Variants in MS4A13 observed in about 807,000 individuals in gnomAD.
The protein encoded by MS4A13 is membrane spanning 4-domains A13.
A neutral mutation model predicts 18.4 loss-of-function variants in MS4A13; 21 were observed. The observed-to-expected ratio is 1.14, with a 90% CI of 0.81 to 1.64. MS4A13 has a LOEUF of 1.64. Ranked by LOEUF, MS4A13 falls within the 40% of genes most tolerant of loss-of-function variation. The pLI is 0.00. For missense variants in MS4A13, 173 were observed against 176.8 expected (o/e 0.98, Z 0.12); for synonymous variants, 62 against 57.2 (o/e 1.08, Z -0.38).
chr11:60,541,194 T>C (rs2086855263), intron 6 of MS4A13, among the ~76,000 whole-genome samples: 1 of 152,206 alleles, frequency 6.6e-6, no homozygotes, highest in Admixed American at 6.5e-5. Flanking sequence ...ATTGCAACAA[T>C]TTTTAAAACC....
chr11:60,529,301 A>G (rs112497419), intron 5 of MS4A13, 64 bp from the exon 6 acceptor site: 6,414 of 484,784 alleles, frequency 0.013, 67 homozygotes, highest in Middle Eastern at 0.049. Flanking sequence ...AGCTCCTTCC[A>G]TGATCATGTT....
intron 5 of MS4A13, among the ~76,000 whole-genome samples, chr11:60,527,057 A>G (rs1162241659): frequency 6.6e-6 from 1 of 152,170 alleles, no homozygotes; most frequent in Non-Finnish European, 1.5e-5. Flanking sequence ...TCACTATTAT[A>G]TCAAACTCAA....
At chr11:60,525,978 A>G (rs2086710775) in intron 5 of MS4A13, among the ~76,000 whole-genome samples, 1 of 147,142 alleles carries the variant, frequency 6.8e-6, no homozygotes, top group Non-Finnish European at 1.5e-5. Context: ...GTGAGGACAA[A>G]TTGGAGTGAA....
intron 5 of MS4A13, among the ~76,000 whole-genome samples, chr11:60,527,354 T>C (rs2086720299): frequency 1.4e-5 from 1 of 71,086 alleles, no homozygotes; most frequent in African/African-American, 4.6e-5. Context: ...CAGGAACTCA[T>C]TCATTCCGTC....
chr11:60,520,167 TG>T (rs997141310), intron 3 of MS4A13, among the ~76,000 whole-genome samples: 10 of 152,032 alleles, frequency 6.6e-5, no homozygotes, highest in African/African-American at 9.7e-5. Context: ...ATCATGAGGC[TG>T]GGGGGGTGGC....
intron 6 of MS4A13, among the ~76,000 whole-genome samples, chr11:60,531,449 G>A (rs746634838): frequency 2.0e-5 from 3 of 152,210 alleles, no homozygotes; most frequent in Non-Finnish European, 2.9e-5. Flanking sequence ...GAAGGTCCTA[G>A]TGAGCCCTTG....
Position 60,525,311 on chromosome 11 carries a change from G to C in MS4A13, c.291G>C (p.Arg97Ser). Residue 97 changes from arginine to serine, a missense_variant, in exon 5 of 7, where the codon AGG (arginine) becomes AGC (serine). Coordinates refer to ENST00000378186, the MANE Select transcript of MS4A13 (RefSeq NM_001012417.3). ...CTCATTTTAATTCTGTGTCATACAGGAATTATGGACAAGCAGTAAGTGACC... is the reference window on the plus strand; with the variant it reads ...CTCATTTTAATTCTGTGTCATACAGCAATTATGGACAAGCAGTAAGTGACC... ...ELSHFNSVSY[R>S]NYGQAKLGRE... 6.3e-7 allele frequency: 1 copy of C among 1,586,608 alleles called. No individual in the cohort carries two copies. Among genetic ancestry groups the C allele is most frequent in the Non-Finnish European group, 8.6e-7 (1 of 1,161,536 alleles).
intron 3 of MS4A13, among the ~76,000 whole-genome samples, chr11:60,518,541 A>G (rs1333012686): frequency 6.6e-6 from 1 of 152,198 alleles, no homozygotes; most frequent in Non-Finnish European, 1.5e-5. Context: ...TCTTCACTTC[A>G]GTCTCCTCAC....
chr11:60,519,816 G>T (rs999188088), intron 3 of MS4A13, among the ~76,000 whole-genome samples: 1 of 152,234 alleles, frequency 6.6e-6, no homozygotes, highest in African/African-American at 2.4e-5. Flanking sequence ...ATGGAAAGAA[G>T]AATTTAACAG....
At chr11:60,529,828 T>C (rs1378748062) in intron 6 of MS4A13, among the ~76,000 whole-genome samples, 3 of 152,248 alleles carry the variant, frequency 2.0e-5, no homozygotes, top group African/African-American at 7.2e-5. Flanking sequence ...TGATTAGAAA[T>C]ATCTTTCCAT....
At chr11:60,523,829 T>C in intron 3 of MS4A13, 68 bp from the exon 4 acceptor site, 6 of 904,458 alleles carry the variant, frequency 6.6e-6, no homozygotes, top group South Asian at 1.4e-5. Context: ...ACAAGAGAGT[T>C]ATTAAAAGTA....
At chr11:60,531,379 C>G (rs902617593) in intron 6 of MS4A13, among the ~76,000 whole-genome samples, 1 of 152,106 alleles carries the variant, frequency 6.6e-6, no homozygotes, top group African/African-American at 2.4e-5. Context: ...CCTACTTTTC[C>G]CCTGTAGTCT....
chr11:60,522,235 G>GATGTATATATATATATATCT lies in MS4A13; in HGVS notation c.130-1660_130-1659insGTATATATATATATATCTAT, dbSNP rs1231071278. ...AGATAGATAGATAGATAGATAGATAGATAGATGTATATATATAGATATATA... is the reference window on the plus strand; with the variant it reads ...AGATAGATAGATAGATAGATAGATAGATGTATATATATATATATCTATAGATGTATATATATAGATATATA... On this transcript the variant is annotated intron_variant, in intron 3 of 6. Coordinates refer to ENST00000378186, the MANE Select transcript of MS4A13 (RefSeq NM_001012417.3). Among the ~76,000 whole-genome samples the GATGTATATATATATATATCT allele has an allele frequency of 1.2e-3, 136 of 112,174 alleles. 1 individual carries two copies. Among genetic ancestry groups the GATGTATATATATATATATCT allele is most frequent in the African/African-American group, 3.3e-3 (86 of 25,796 alleles). The allele number at this position is 112,174 out of a possible 152,430, so 73.6% of individuals were successfully genotyped here.
intron 5 of MS4A13, among the ~76,000 whole-genome samples, chr11:60,527,406 C>CTGTGTGTGTG (rs1408422219): frequency 6.6e-3 from 302 of 45,998 alleles, no homozygotes; most frequent in Admixed American, 0.017. Flanking sequence ...CTCTCTCTCT[C>CTGTGTGTGTG]TCTCTGTGTG....
chr11:60,519,408 T>G (rs544285256), intron 3 of MS4A13, among the ~76,000 whole-genome samples: 94 of 151,988 alleles, frequency 6.2e-4, no homozygotes, highest in Non-Finnish European at 1.2e-3. Context: ...TGTGGAAGTT[T>G]TTTTTTTTTT....
At chr11:60,528,786 A>G (rs960194968) in intron 5 of MS4A13, among the ~76,000 whole-genome samples, 2 of 152,208 alleles carry the variant, frequency 1.3e-5, no homozygotes, top group African/African-American at 4.8e-5. Flanking sequence ...TCTGATAGCA[A>G]CAGAAGGGAA....
At chr11:60,528,315 C>G (rs1363651466) in intron 5 of MS4A13, among the ~76,000 whole-genome samples, 1 of 152,198 alleles carries the variant, frequency 6.6e-6, no homozygotes, top group Non-Finnish European at 1.5e-5. Context: ...CTGTTTCCTT[C>G]CTTCGTTTTT....
At chr11:60,525,348 A>G in intron 5 of MS4A13, 22 bp downstream of exon 5, 1 of 1,487,560 alleles carries the variant, frequency 6.7e-7, no homozygotes, top group Non-Finnish European at 9.0e-7. Context: ...ATTCTATGGG[A>G]ACATATTAAT....
intron 6 of MS4A13, among the ~76,000 whole-genome samples, chr11:60,529,799 T>C (rs2086751294): frequency 6.6e-6 from 1 of 152,230 alleles, no homozygotes; most frequent in South Asian, 2.1e-4. Context: ...CATTATTTTG[T>C]CACATTCATT....
Sources: allele counts gnomAD v4.1 joint callset (sites outside exome capture counted in the v4.1 genomes callset), GRCh38; gene constraint gnomAD v4.1.1; transcripts MANE v1.5; gene names NCBI Gene and HGNC (gene_info 2026-07-23, HGNC 2026-07-21).